Variants in LARGE1 observed in about 807,000 individuals in gnomAD.
LARGE1 encodes LARGE xylosyl- and glucuronyltransferase 1, also known as xylosyl- and glucuronyltransferase LARGE1.
A neutral mutation model predicts 87.6 loss-of-function variants in LARGE1; 43 were observed. The observed-to-expected ratio is 0.49, with a 90% CI of 0.38 to 0.63. The LOEUF is 0.63. Ranked by LOEUF, LARGE1 falls within the 30% of genes least tolerant of loss-of-function variation. The pLI is 0.00. For missense variants in LARGE1, 802 were observed against 1,000.2 expected (o/e 0.80, Z 2.67); for synonymous variants, 434 against 394.6 (o/e 1.10, Z -1.18).
chr22:33,292,480 T>G (rs1255640564), intron 12 of LARGE1, among the ~76,000 whole-genome samples: 1 of 151,762 alleles, frequency 6.6e-6, no homozygotes, highest in African/African-American at 2.4e-5. Flanking sequence ...GCCAGGCCAG[T>G]GATGTGGATA....
At position 33,858,271 on chromosome 22, in the gene LARGE1, C is replaced by G. The variant is rs146709399; in HGVS notation, c.-83+61724G>C. 3.6e-3 allele frequency among the ~76,000 whole-genome samples: 549 copies of G among 152,250 alleles called. 5 individuals are homozygous for G. The highest frequency in any genetic ancestry group is 3.5e-3 in the Non-Finnish European group (241 of 68,016). ...CTGGATCCAGAGGGATGGAAGTCAG[C>G]GGCAGGTCTGTGACTGTGGCAAACA... is the stretch of plus-strand genomic sequence containing the variant. On this transcript the variant is annotated intron_variant, in intron 1 of 14. Coordinates refer to ENST00000397394, the MANE Select transcript of LARGE1 (RefSeq NM_133642.5).
intron 1 of LARGE1, among the ~76,000 whole-genome samples, chr22:33,867,582 C>T (rs896536326): frequency 6.6e-6 from 1 of 152,136 alleles, no homozygotes; most frequent in Admixed American, 6.5e-5. Flanking sequence ...ATGCTGCCTG[C>T]GTTTCTATTT....
At chr22:33,540,304 CT>C (rs1031350673) in intron 6 of LARGE1, among the ~76,000 whole-genome samples, 41 of 152,344 alleles carry the variant, frequency 2.7e-4, no homozygotes, top group African/African-American at 7.9e-4. Flanking sequence ...AAGTCCCCCC[CT>C]GTGCTGTTTG....
chr22:33,803,637 T>C (rs2086228644), intron 1 of LARGE1, among the ~76,000 whole-genome samples: 1 of 152,190 alleles, frequency 6.6e-6, no homozygotes, highest in Non-Finnish European at 1.5e-5. Flanking sequence ...AGAAGGTCTA[T>C]GAGGCAAAGT....
intron 11 of LARGE1, among the ~76,000 whole-genome samples, chr22:33,310,995 T>C (rs60645449): frequency 0.079 from 12,023 of 151,518 alleles, 513 homozygotes; most frequent in South Asian, 0.17. Flanking sequence ...GAGTCTCGCT[T>C]TGTTGCCCAG....
At chr22:33,120,673 C>T in the LARGE1 span, among the ~76,000 whole-genome samples, 6 of 151,878 alleles carry the variant, frequency 4.0e-5, no homozygotes, top group South Asian at 4.2e-4. Flanking sequence ...CCTGCCACCA[C>T]GTGCAGCTAA....
At chr22:33,556,911 CA>C (rs972801238) in intron 6 of LARGE1, among the ~76,000 whole-genome samples, 15 of 152,128 alleles carry the variant, frequency 9.9e-5, no homozygotes, top group African/African-American at 3.6e-4. Context: ...GAGGCTGAGG[CA>C]GGGGAATCAC....
intron 7 of LARGE1, among the ~76,000 whole-genome samples, chr22:33,391,765 CTTT>C (rs1034572374): frequency 1.6e-5 from 1 of 63,848 alleles, no homozygotes; most frequent in Non-Finnish European, 2.8e-5. Flanking sequence ...TTCCTTTTTC[CTTT>C]TTTTTTTTTT....
At chr22:33,580,409 T>C (rs2078482179) in intron 5 of LARGE1, among the ~76,000 whole-genome samples, 1 of 151,512 alleles carries the variant, frequency 6.6e-6, no homozygotes, top group South Asian at 2.1e-4. Context: ...GGCCACCTAT[T>C]GCTCTGTCAG....
At chr22:33,288,665 G>T (rs1165478981) in intron 12 of LARGE1, among the ~76,000 whole-genome samples, 2 of 152,052 alleles carry the variant, frequency 1.3e-5, no homozygotes, top group Non-Finnish European at 1.5e-5. Context: ...TTAATACCAG[G>T]TACCTTACCT....
intron 2 of LARGE1, among the ~76,000 whole-genome samples, chr22:33,751,324 T>C (rs1277502320): frequency 6.6e-6 from 1 of 151,860 alleles, no homozygotes; most frequent in Non-Finnish European, 1.5e-5. Context: ...CTACTAAAAA[T>C]ACAAAAATTA....
At chr22:33,506,861 A>T (rs2070788934) in intron 6 of LARGE1, among the ~76,000 whole-genome samples, 1 of 152,170 alleles carries the variant, frequency 6.6e-6, no homozygotes, top group African/African-American at 2.4e-5. Flanking sequence ...AGATCACGCC[A>T]TTGTACTCCA....
In LARGE1 at chr22:33,233,350, T is replaced by C. The variant is rs1926103443; in HGVS notation, c.1731-66518A>G. 1.3e-5 allele frequency among the ~76,000 whole-genome samples: 2 copies of C among 152,140 alleles called. 1 individual carries two copies. Among genetic ancestry groups the C allele is most frequent in the South Asian group, 4.1e-4 (2 of 4,832 alleles). ...ATACAATAATAGCAGGTACCACTAG[T>C]AAAGCATTTACTTTATGCCAAGCCT... On this transcript the variant is annotated intron_variant, in intron 11 of 11. Transcript: ENST00000608642.
chr22:33,779,419 C>T (rs1452900131), intron 1 of LARGE1, among the ~76,000 whole-genome samples: 2 of 152,110 alleles, frequency 1.3e-5, no homozygotes, highest in Non-Finnish European at 2.9e-5. Context: ...AAGTACCTAG[C>T]TTGTAATCTG....
intron 6 of LARGE1, among the ~76,000 whole-genome samples, chr22:33,450,652 TG>T (rs2067876457): frequency 6.6e-6 from 1 of 152,030 alleles, no homozygotes; most frequent in African/African-American, 2.4e-5. Flanking sequence ...GATCTCAATA[TG>T]GTTAAAAATA....
At chr22:33,462,491 T>C (rs1233297516) in intron 6 of LARGE1, among the ~76,000 whole-genome samples, 2 of 152,108 alleles carry the variant, frequency 1.3e-5, no homozygotes, top group Non-Finnish European at 2.9e-5. Flanking sequence ...TTTAAAAATA[T>C]ACCCACTGAG....
chr22:33,292,690 A>C (rs1488861888), intron 12 of LARGE1, among the ~76,000 whole-genome samples: 1 of 152,170 alleles, frequency 6.6e-6, no homozygotes, highest in Non-Finnish European at 1.5e-5. Flanking sequence ...AGAGGAGCCA[A>C]CTGAAATTAT....
the LARGE1 span, among the ~76,000 whole-genome samples, chr22:33,070,069 G>A: frequency 2.0e-5 from 3 of 152,124 alleles, no homozygotes; most frequent in South Asian, 2.1e-4. Flanking sequence ...TGATCCACCC[G>A]CCTCGGCCTC....
intron 2 of LARGE1, among the ~76,000 whole-genome samples, chr22:33,754,558 G>T (rs535116050): frequency 1.3e-5 from 2 of 151,884 alleles, no homozygotes; most frequent in African/African-American, 4.8e-5. Context: ...GGATGGTTTC[G>T]ATCTCCTGAC....
Sources: allele counts gnomAD v4.1 joint callset (sites outside exome capture counted in the v4.1 genomes callset), GRCh38; gene constraint gnomAD v4.1.1; transcripts MANE v1.5; gene names NCBI Gene and HGNC (gene_info 2026-07-23, HGNC 2026-07-21).